Variants in PTGER3 observed in about 807,000 individuals in gnomAD.
PTGER3 encodes the protein prostaglandin E receptor 3.
Under a neutral mutation model 34.7 loss-of-function variants are expected in PTGER3, and 22 were observed. The ratio of observed to expected loss-of-function variants is 0.63; its 90% confidence interval spans 0.45 to 0.91. PTGER3 has a LOEUF of 0.91. Among genes scored for constraint, PTGER3 ranks in the 40% least tolerant of loss-of-function variants. PTGER3 has a pLI of 0.00. For missense variants in PTGER3, 468 were observed against 519.4 expected, an observed-to-expected ratio of 0.90 and a Z score of 0.96; for synonymous variants, 241 against 230.1, an observed-to-expected ratio of 1.05 and a Z score of -0.43.
intron 1 of PTGER3, among the ~76,000 whole-genome samples, chr1:71,039,649 C>CAAAAAAA (rs1183485427): frequency 1.1e-4 from 6 of 54,422 alleles, no homozygotes; most frequent in Non-Finnish European, 1.6e-4. Context: ...GACTCTGTCT[C>CAAAAAAA]AAAAAAAAAA....
chr1:71,012,064 G>C lies in PTGER3; in HGVS notation c.1077+241C>G, dbSNP rs953035404. On this transcript the variant is annotated intron_variant, in intron 2 of 3. Transcript: ENST00000306666. Reference sequence around the variant, plus strand: ...TGTTTCACTACTTTTGGCACATAGGGATTTTCTATGCTTCTAAGACCATTT... The same window carrying C: ...TGTTTCACTACTTTTGGCACATAGGCATTTTCTATGCTTCTAAGACCATTT... The C allele has an allele frequency of 2.8e-6, 4 of 1,449,382 alleles. No homozygotes were observed. In the African/African-American group the frequency reaches 5.7e-5, roughly 21 times the overall value. 89.8% of individuals were successfully genotyped at this position (1,449,382 alleles called of 1,614,324 possible). A position where few individuals can be genotyped will look rare whatever the true frequency, so the allele number is the denominator to read the frequency against.
At chr1:71,008,973 T>C (rs1045644298) in intron 2 of PTGER3, 2 of 982,824 alleles carry the variant, frequency 2.0e-6, no homozygotes, top group Non-Finnish European at 2.4e-6. Context: ...ATTATGCATG[T>C]CTAAAATTTC....
At chr1:70,983,484 GATA>G (rs1654596993) in intron 2 of PTGER3, among the ~76,000 whole-genome samples, 1 of 152,074 alleles carries the variant, frequency 6.6e-6, no homozygotes, top group African/African-American at 2.4e-5. Flanking sequence ...CGAATGAATG[GATA>G]ATATTTTCAA....
chr1:70,989,616 G>A (rs1366156812), intron 2 of PTGER3, among the ~76,000 whole-genome samples: 2 of 152,174 alleles, frequency 1.3e-5, no homozygotes, highest in Admixed American at 6.5e-5. Flanking sequence ...TAGCTGAGAA[G>A]CACTTGGACT....
intron 1 of PTGER3, among the ~76,000 whole-genome samples, 178 bp downstream of exon 1, chr1:71,046,503 A>G (rs1289540195): frequency 6.6e-6 from 1 of 152,200 alleles, no homozygotes; most frequent in East Asian, 1.9e-4. Flanking sequence ...GCGCTCAGCT[A>G]GTAAGTGAGG....
downstream of PTGER3, among the ~76,000 whole-genome samples, chr1:70,969,966 G>A (rs1258835649): frequency 1.3e-5 from 2 of 152,126 alleles, no homozygotes; most frequent in Non-Finnish European, 2.9e-5. Flanking sequence ...TTATTGAGAT[G>A]CAATTAACTT....
chr1:70,953,110 A>G (rs768259667), intron 3 of PTGER3: 1 of 1,440,982 alleles, frequency 6.9e-7, no homozygotes, highest in Admixed American at 2.3e-5. Context: ...AAATAACAAT[A>G]TGAAAATAAA....
chr1:70,956,769 G>A (rs11209722), intron 2 of PTGER3, among the ~76,000 whole-genome samples: 90,929 of 151,892 alleles, frequency 0.6, 27,822 homozygotes, highest in East Asian at 0.72. Flanking sequence ...TTTGGGAAGC[G>A]GAAGTGGGCA....
At chr1:71,027,704 C>T (rs1038824116) in intron 1 of PTGER3, among the ~76,000 whole-genome samples, 4 of 152,006 alleles carry the variant, frequency 2.6e-5, no homozygotes, top group Non-Finnish European at 4.4e-5. Flanking sequence ...CACATGTATG[C>T]TTTTGCATTT....
chr1:70,939,116 G>A (rs759526534), intron 4 of PTGER3, among the ~76,000 whole-genome samples: 28 of 152,156 alleles, frequency 1.8e-4, no homozygotes, highest in Admixed American at 6.5e-4. Flanking sequence ...CATTCCAAAT[G>A]GGAGACATTG....
chr1:70,917,064 G>C (rs1572639715), intron 4 of PTGER3, among the ~76,000 whole-genome samples: 1 of 151,720 alleles, frequency 6.6e-6, no homozygotes, highest in Non-Finnish European at 1.5e-5. Flanking sequence ...TAGTTATCTT[G>C]AAATATACAC....
At chr1:70,939,170 A>G (rs183541126) in intron 4 of PTGER3, among the ~76,000 whole-genome samples, 80 of 152,310 alleles carry the variant, frequency 5.3e-4, no homozygotes, top group African/African-American at 1.9e-3. Flanking sequence ...TCCAAAATCC[A>G]GTGGGGCAGT....
chr1:70,918,128 A>G (rs1419145389), intron 4 of PTGER3, among the ~76,000 whole-genome samples: 2 of 152,056 alleles, frequency 1.3e-5, no homozygotes, highest in Non-Finnish European at 2.9e-5. Flanking sequence ...AGGTACCAAC[A>G]ACACAAGACA....
intron 4 of PTGER3, among the ~76,000 whole-genome samples, chr1:70,904,685 CA>C (rs1392646002): frequency 2.0e-5 from 3 of 152,098 alleles, no homozygotes; most frequent in Non-Finnish European, 4.4e-5. Context: ...TTCTAAGCAG[CA>C]AAGCATTCAA....
At chr1:70,958,242 A>C (rs1651563119) in intron 2 of PTGER3, among the ~76,000 whole-genome samples, 1 of 152,154 alleles carries the variant, frequency 6.6e-6, no homozygotes, top group African/African-American at 2.4e-5. Flanking sequence ...ATCAAATGGT[A>C]GTCTATTTCT....
At chr1:70,894,217 G>A (rs1483572864) in intron 4 of PTGER3, among the ~76,000 whole-genome samples, 4 of 144,048 alleles carry the variant, frequency 2.8e-5, no homozygotes, top group South Asian at 2.3e-4. Flanking sequence ...GCTGAGGCAG[G>A]AGAATCACTT....
Position 71,047,002 on chromosome 1 carries a change from C to A in PTGER3, c.576G>T (p.Pro192=). Residue 192 remains proline (P), a synonymous_variant, in exon 1 of 4, where the codon CCG becomes CCT. Coordinates refer to ENST00000306666, the MANE Select transcript of PTGER3 (RefSeq NM_198719.2). ...WLAVLAFALL[P]VLGVGQYTVQ... ...CGGTGTACTGGCCCACGCCCAGCAC[C>A]GGCAGCAGGGCGAAGGCGAGCACGG... 6.2e-7 allele frequency: 1 copy of A among 1,611,468 alleles called. No homozygotes were observed. Among genetic ancestry groups the A allele is most frequent in the Non-Finnish European group, 8.5e-7 (1 of 1,179,154 alleles).
chr1:71,028,134 T>G (rs1419652642), intron 1 of PTGER3, among the ~76,000 whole-genome samples: 1 of 152,190 alleles, frequency 6.6e-6, no homozygotes, highest in Non-Finnish European at 1.5e-5. Context: ...CACTGGATCC[T>G]ATGTGCTTCA....
At chr1:70,858,813 A>G (rs1256056793) in intron 4 of PTGER3, among the ~76,000 whole-genome samples, 1 of 152,246 alleles carries the variant, frequency 6.6e-6, no homozygotes, top group Non-Finnish European at 1.5e-5. Context: ...ATCTGTTTCA[A>G]CTACCTCACA....
Sources: gnomAD v4.1 joint callset for allele counts (sites outside exome capture counted in the v4.1 genomes callset) on GRCh38, gnomAD v4.1.1 for gene constraint, MANE v1.5 for transcripts, NCBI Gene and HGNC (gene_info 2026-07-23, HGNC 2026-07-21) for gene names.